Variants in PDLIM5 observed in about 807,000 individuals in gnomAD.
PDLIM5 encodes the protein PDZ and LIM domain 5.
A neutral mutation model predicts 64.2 loss-of-function variants in PDLIM5; 34 were observed. The observed-to-expected ratio is 0.53, with a 90% CI of 0.40 to 0.71. The LOEUF (loss-of-function observed/expected upper bound fraction) is 0.71, where lower values mean the gene tolerates loss of function less well. Ranked by LOEUF, PDLIM5 falls within the 30% of genes least tolerant of loss-of-function variation. The pLI is 0.00. For synonymous variants in PDLIM5, 253 were observed against 269.1 expected (o/e 0.94, Z 0.59); for missense variants, 683 against 733.6 (o/e 0.93, Z 0.80).
At chr4:94,639,718 A>G (rs1333749274) in intron 8 of PDLIM5, among the ~76,000 whole-genome samples, 1 of 152,208 alleles carries the variant, frequency 6.6e-6, no homozygotes, top group Non-Finnish European at 1.5e-5. Context: ...AATCTAATTA[A>G]TGGTTAGCAG....
intron 7 of PDLIM5, among the ~76,000 whole-genome samples, chr4:94,603,297 C>T (rs1256977365): frequency 6.6e-6 from 1 of 152,026 alleles, no homozygotes; most frequent in East Asian, 1.9e-4. Flanking sequence ...CTAAACCATG[C>T]CAGAAAACAC....
chr4:94,580,225 A>T (rs548890028), intron 5 of PDLIM5, among the ~76,000 whole-genome samples: 2 of 152,328 alleles, frequency 1.3e-5, no homozygotes, highest in East Asian at 1.9e-4. Context: ...ATAAGAACTT[A>T]AAATAATTTT....
intron 3 of PDLIM5, among the ~76,000 whole-genome samples, chr4:94,557,457 T>G (rs933625169): frequency 2.0e-5 from 3 of 152,098 alleles, no homozygotes; most frequent in African/African-American, 7.2e-5. Flanking sequence ...TCAGTGGTAG[T>G]TGGATGGGGA....
chr4:94,479,715 C>T (rs188953321), intron 2 of PDLIM5, among the ~76,000 whole-genome samples: 18 of 152,222 alleles, frequency 1.2e-4, no homozygotes, highest in African/African-American at 3.9e-4. Flanking sequence ...TTAAGATATA[C>T]GTGAAATATG....
intron 8 of PDLIM5, among the ~76,000 whole-genome samples, chr4:94,625,196 C>A (rs1278656068): frequency 6.6e-6 from 1 of 152,020 alleles, no homozygotes; most frequent in Non-Finnish European, 1.5e-5. Flanking sequence ...GTTAAAACAC[C>A]CGTGGAGGAT....
intron 8 of PDLIM5, among the ~76,000 whole-genome samples, chr4:94,635,006 G>A (rs997000522): frequency 1.3e-5 from 2 of 152,030 alleles, no homozygotes; most frequent in Non-Finnish European, 2.9e-5. Flanking sequence ...TTATTTAATG[G>A]TAATTATTGT....
intron 3 of PDLIM5, among the ~76,000 whole-genome samples, chr4:94,527,262 G>A (rs565370733): frequency 2.7e-4 from 40 of 150,794 alleles, no homozygotes; most frequent in Admixed American, 5.3e-4. Context: ...TCACCATGTT[G>A]GCCAGGATGG....
intron 2 of PDLIM5, chr4:94,456,140 T>C: frequency 1.8e-6 from 1 of 541,176 alleles, no homozygotes; most frequent in Non-Finnish European, 3.0e-6. Context: ...AAGGTTTGTT[T>C]TTGCATATTC....
At chr4:94,455,892 G>A (rs1404683674) in intron 2 of PDLIM5, 1 of 1,424,288 alleles carries the variant, frequency 7.0e-7, no homozygotes, top group African/African-American at 1.4e-5. Context: ...GGAAATGAAG[G>A]GCTTGGAGCT....
chr4:94,554,081 G>T (rs540964023), intron 3 of PDLIM5, among the ~76,000 whole-genome samples: 1 of 152,054 alleles, frequency 6.6e-6, no homozygotes, highest in Non-Finnish European at 1.5e-5. Flanking sequence ...ATCTTTTGTT[G>T]TCTTCATATA....
intron 2 of PDLIM5, among the ~76,000 whole-genome samples, chr4:94,485,087 A>G (rs1188557644): frequency 6.6e-6 from 1 of 152,162 alleles, no homozygotes; most frequent in Non-Finnish European, 1.5e-5. Context: ...GGTGTTGGGA[A>G]GGAAAGGAGG....
At position 94,537,761 on chromosome 4, in the gene PDLIM5, T is replaced by C. The variant is rs1319167402; in HGVS notation, c.248+13886T>C. Among the ~76,000 whole-genome samples, 3 of 152,144 alleles carry C rather than the reference T, an allele frequency of 2.0e-5. No individual in the cohort carries two copies. In the East Asian group the frequency reaches 5.8e-4, roughly 29 times the overall value. On this transcript the variant is annotated intron_variant, in intron 3 of 12. Transcript: ENST00000317968. ...TATTATCATCCTACTTTACAGAGAG[T>C]TAAGTAAGTACTTCAGAGTCACACA... is the stretch of plus-strand genomic sequence containing the variant.
At chr4:94,525,139 C>T (rs1291526295) in intron 3 of PDLIM5, among the ~76,000 whole-genome samples, 1 of 152,128 alleles carries the variant, frequency 6.6e-6, no homozygotes, top group Non-Finnish European at 1.5e-5. Context: ...GGGAAATAGG[C>T]TGGGCGCTGT....
chr4:94,504,781 T>C (rs1448840589), intron 2 of PDLIM5, among the ~76,000 whole-genome samples: 1 of 152,214 alleles, frequency 6.6e-6, no homozygotes, highest in Non-Finnish European at 1.5e-5. Context: ...GGAATCTCAT[T>C]ACTTTGCATT....
At chr4:94,502,994 G>A (rs1482405669) in intron 2 of PDLIM5, among the ~76,000 whole-genome samples, 3 of 152,182 alleles carry the variant, frequency 2.0e-5, no homozygotes, top group Non-Finnish European at 4.4e-5. Context: ...ATATTTTGCA[G>A]GGCGAGCTTT....
chr4:94,628,424 G>T (rs1443298868), intron 8 of PDLIM5, among the ~76,000 whole-genome samples: 1 of 152,122 alleles, frequency 6.6e-6, no homozygotes, highest in African/African-American at 2.4e-5. Flanking sequence ...GGTAGTAATA[G>T]AAATTTAAGG....
In PDLIM5 at chr4:94,640,638, C is replaced by T. The variant is rs1015077632; in HGVS notation, c.1283+188C>T. 7.3e-5 allele frequency among the ~76,000 whole-genome samples: 11 copies of T among 151,350 alleles called. No individual in the cohort carries two copies. The South Asian group carries it at 1.5e-3, about 20-fold the overall frequency. ...GAATCTATTTTAATGAAAGGTAATA[C>T]GGAGGTCTGTGAAAATAAAAGTACT... On this transcript the variant is annotated intron_variant, in intron 9 of 12. Coordinates refer to ENST00000317968, the MANE Select transcript of PDLIM5 (RefSeq NM_006457.5).
intron 2 of PDLIM5, among the ~76,000 whole-genome samples, chr4:94,462,370 T>G (rs1399065484): frequency 6.6e-6 from 1 of 152,178 alleles, no homozygotes; most frequent in Non-Finnish European, 1.5e-5. Context: ...GAAATACTTT[T>G]TTTTTTGGCA....
chr4:94,608,278 A>G, intron 7 of PDLIM5: 2 of 789,482 alleles, frequency 2.5e-6, no homozygotes, highest in South Asian at 2.1e-5. Context: ...TGATTACAGA[A>G]CGGACATCAT....
Sources: gnomAD v4.1 joint callset for allele counts (sites outside exome capture counted in the v4.1 genomes callset) on GRCh38, gnomAD v4.1.1 for gene constraint, MANE v1.5 for transcripts, NCBI Gene and HGNC (gene_info 2026-07-23, HGNC 2026-07-21) for gene names.